The following USP20 variants were observed in gnomAD, a reference collection of about 807,000 sequenced individuals.
USP20 encodes ubiquitin specific peptidase 20.
In USP20, 80 loss-of-function variants were observed where a neutral mutation model predicts 124.2. That is an observed-to-expected ratio of 0.64 (90% confidence interval 0.54 to 0.78). The LOEUF (loss-of-function observed/expected upper bound fraction) is 0.78, where lower values mean the gene tolerates loss of function less well. USP20 is among the 30% of genes least tolerant of loss of function. The probability of loss-of-function intolerance (pLI) is 0.00; values close to 1 mark genes in which losing one functional copy is unlikely to be tolerated. For missense variants in USP20, 1,043 were observed against 1,244.4 expected (o/e 0.84, Z 2.44); for synonymous variants, 481 against 512.3 (o/e 0.94, Z 0.83).
At chr9:129,857,920 A>G (rs1420146153) in intron 4 of USP20, 130 bp from the exon 5 acceptor site, 4 of 783,358 alleles carry the variant, frequency 5.1e-6, no homozygotes, top group Non-Finnish European at 8.7e-6. Flanking sequence ...TTGAGATGGC[A>G]GAGCCTCAGT....
chr9:129,853,044 G>T (rs12379000), intron 3 of USP20, among the ~76,000 whole-genome samples: 27,018 of 151,952 alleles, frequency 0.18, 2,693 homozygotes, highest in South Asian at 0.26. Flanking sequence ...TTGGTGTTGT[G>T]AAATGAAAAT....
intron 3 of USP20, among the ~76,000 whole-genome samples, chr9:129,854,218 G>T (rs142969267): frequency 6.6e-6 from 1 of 152,204 alleles, no homozygotes; most frequent in Non-Finnish European, 1.5e-5. Context: ...AGGAATTACC[G>T]TAACTTTTAG....
At position 129,874,911 on chromosome 9, in the gene USP20, C is replaced by T. The variant is rs144095322; in HGVS notation, c.2004C>T (p.His668=). ...EFDDQYVTEV[H]ETVVQNAEGY... Reference sequence around the variant, plus strand: ...ATGACCAGTACGTCACAGAAGTCCACGAGACGGTGGTGCAGAACGCCGAGG... The same window carrying T: ...ATGACCAGTACGTCACAGAAGTCCATGAGACGGTGGTGCAGAACGCCGAGG... Residue 668 remains histidine (H), a synonymous_variant, in exon 19 of 26, where the codon CAC becomes CAT. Transcript: ENST00000372429. The T allele has an allele frequency of 2.7e-5, 43 of 1,614,100 alleles. No homozygotes were observed. Among genetic ancestry groups the T allele is most frequent in the African/African-American group, 1.6e-4 (12 of 75,064 alleles).
intron 15 of USP20, among the ~76,000 whole-genome samples, chr9:129,871,349 G>T (rs2034119670): frequency 1.3e-5 from 2 of 151,818 alleles, no homozygotes; most frequent in Admixed American, 6.6e-5. Context: ...GTGTCGGAAT[G>T]CCCTGCCTTT....
intron 15 of USP20, 136 bp downstream of exon 15, chr9:129,870,683 C>T (rs1445342989): frequency 3.0e-6 from 3 of 998,954 alleles, no homozygotes; most frequent in African/African-American, 3.2e-5. Context: ...CAAGGTTGAT[C>T]CCATCAGATA....
chr9:129,851,867 A>G (rs1318898686), intron 2 of USP20, among the ~76,000 whole-genome samples: 1 of 151,874 alleles, frequency 6.6e-6, no homozygotes, highest in Non-Finnish European at 1.5e-5. Context: ...ATGTTTTGGC[A>G]AACACAGACT....
In USP20 at chr9:129,869,109, C is replaced by T. The variant is rs2033984251; in HGVS notation, c.1276+107C>T. 4 of 1,458,642 alleles carry T rather than the reference C, an allele frequency of 2.7e-6. No individual in the cohort carries two copies. The South Asian group carries it at 4.0e-5, about 15-fold the overall frequency. The allele number at this position is 1,458,642 out of a possible 1,614,324, so 90.4% of individuals were successfully genotyped here. On this transcript the variant is annotated intron_variant, in intron 12 of 25. Transcript: ENST00000372429. ...GTGGCGGAGGGCCGGGCTATGGGCT[C>T]CTCTCAGGTACACCCCTGAGACACC...
intron 1 of USP20, among the ~76,000 whole-genome samples, chr9:129,836,043 G>A (rs1370070807): frequency 6.6e-6 from 1 of 152,134 alleles, no homozygotes; most frequent in East Asian, 1.9e-4. Flanking sequence ...GTGCTTGCCG[G>A]CCACCCCCCT....
intron 15 of USP20, among the ~76,000 whole-genome samples, chr9:129,872,524 C>T (rs1413024168): frequency 6.6e-6 from 1 of 152,140 alleles, no homozygotes; most frequent in African/African-American, 2.4e-5. Flanking sequence ...CTGTAGGGTG[C>T]GTTTCATTCT....
At chr9:129,868,780 G>A in intron 11 of USP20, 82 bp from the exon 12 acceptor site, 2 of 1,496,286 alleles carry the variant, frequency 1.3e-6, no homozygotes, top group Non-Finnish European at 1.8e-6. Context: ...CCCTTTAGGA[G>A]GGGCTGGCAG....
Position 129,839,453 on chromosome 9 carries a change from G to T in USP20, c.-129+3954G>T, listed in dbSNP as rs2032066384. Among the ~76,000 whole-genome samples, 1 of 152,180 alleles carries T rather than the reference G, an allele frequency of 6.6e-6. No homozygotes were observed. The highest frequency in any genetic ancestry group is 2.1e-4 in the South Asian group (1 of 4,832). ...GAGGCCTGAGGGCTCTGCTTCGAGAGTCAGAGGATGGTGGCCTCCGAGTGA... is the reference window on the plus strand; with the variant it reads ...GAGGCCTGAGGGCTCTGCTTCGAGATTCAGAGGATGGTGGCCTCCGAGTGA... On this transcript the variant is annotated intron_variant, in intron 1 of 25. Transcript: ENST00000372429. This position sits in a 1 kb window ranked among gnomAD's most constrained non-coding sequence, Gnocchi z 4.5.
intron 1 of USP20, among the ~76,000 whole-genome samples, chr9:129,844,363 C>T (rs369193844): frequency 2.4e-4 from 36 of 152,116 alleles, no homozygotes; most frequent in African/African-American, 7.9e-4. Context: ...TGGTGGCTCA[C>T]GCCTGTAATC....
At chr9:129,866,937 G>A (rs986265923) in intron 10 of USP20, among the ~76,000 whole-genome samples, 7 of 152,100 alleles carry the variant, frequency 4.6e-5, no homozygotes, top group African/African-American at 1.7e-4. Flanking sequence ...CTCTGATCTT[G>A]GAGCCTGACA....
chr9:129,838,522 T>A (rs1216501505), intron 1 of USP20, among the ~76,000 whole-genome samples: 2 of 152,194 alleles, frequency 1.3e-5, no homozygotes, highest in African/African-American at 4.8e-5. Flanking sequence ...CTGCTCAAAC[T>A]GGGTTTGGAG....
At chr9:129,838,448 A>G (rs2032000547) in intron 1 of USP20, among the ~76,000 whole-genome samples, 1 of 152,184 alleles carries the variant, frequency 6.6e-6, no homozygotes, top group African/African-American at 2.4e-5. Context: ...CATTGATTAT[A>G]AAGACTTAGG....
At chr9:129,846,220 C>T (rs1399687397) in intron 1 of USP20, among the ~76,000 whole-genome samples, 12 of 136,410 alleles carry the variant, frequency 8.8e-5, no homozygotes, top group South Asian at 2.4e-4. Flanking sequence ...TGAGCCACTG[C>T]GCCCAGCCAT....
rs529629427 is a variant in USP20, at chr9:129,879,292, C to T, written c.2513-281C>T. 18 of 445,450 alleles carry T rather than the reference C, an allele frequency of 4.0e-5. No homozygotes were observed. In the Middle Eastern group the frequency reaches 1.7e-3, roughly 43 times the overall value. 27.6% of individuals were successfully genotyped at this position (445,450 alleles called of 1,614,324 possible). A position where few individuals can be genotyped will look rare whatever the true frequency, so the allele number is the denominator to read the frequency against. ...AGATAGCTGGGCAGAGGGGAAGGGG[C>T]GTGGTGAGCGGCAGCTGCCAGCAGA... On this transcript the variant is annotated intron_variant, in intron 23 of 25. Transcript: ENST00000372429. This position sits in a 1 kb window ranked among gnomAD's most constrained non-coding sequence, Gnocchi z 4.2.
Position 129,878,382 on chromosome 9 carries a change from C to T in USP20, c.2454C>T (p.Tyr818=). ...FQAEESPGVI[Y]CISMQWFREW... is the part of the protein sequence containing the mutation. Reference sequence around the variant, plus strand: ...CCGAGGAGTCGCCGGGCGTCATCTACTGCATCAGCATGCAGTGGTTCCGGG... The same window carrying T: ...CCGAGGAGTCGCCGGGCGTCATCTATTGCATCAGCATGCAGTGGTTCCGGG... The change falls in exon 23 of 26, where the codon TAC becomes TAT. Residue 818 remains tyrosine, a synonymous_variant. Coordinates refer to ENST00000372429, the MANE Select transcript of USP20 (RefSeq NM_001110303.4). The T allele has an allele frequency of 6.2e-7, 1 of 1,610,136 alleles. No homozygotes were observed.
chr9:129,868,279 CTG>C lies in USP20; in HGVS notation c.966_967del (p.Lys324GlyfsTer25), dbSNP rs764335276. 2 of 1,614,040 alleles carry C rather than the reference CTG, an allele frequency of 1.2e-6. No homozygotes were observed. Among genetic ancestry groups the C allele is most frequent in the Non-Finnish European group, 1.7e-6 (2 of 1,179,978 alleles). ...CCAGATGAGGCGGGCCGAGCCATCT[CTG>C]AGAAGGAGCGGATGAAGGACCGCAA... is the stretch of plus-strand genomic sequence containing the variant. On this transcript the variant is annotated frameshift_variant, in exon 11 of 26. Transcript: ENST00000372429. LOFTEE classifies it high-confidence loss of function.
Sources: gnomAD v4.1 joint callset for allele counts (sites outside exome capture counted in the v4.1 genomes callset) on GRCh38, gnomAD v4.1.1 for gene constraint, Gnocchi (gnomAD v3.1) non-coding constraint, MANE v1.5 for transcripts, NCBI Gene and HGNC (gene_info 2026-07-23, HGNC 2026-07-21) for gene names.